HIVEP3: variants seen among roughly 807,000 people sequenced by gnomAD.
The protein encoded by HIVEP3 is transcription factor HIVEP3.
HIVEP3 carries 49 observed loss-of-function variants against 152.8 expected under a neutral mutation model. The observed-to-expected ratio is 0.32, with a 90% CI of 0.26 to 0.41. The LOEUF (loss-of-function observed/expected upper bound fraction) is 0.41, where lower values mean the gene tolerates loss of function less well. Ranked by LOEUF, HIVEP3 falls within the 10% of genes least tolerant of loss-of-function variation. HIVEP3 has a pLI of 1.00. For synonymous variants in HIVEP3, 1,269 were observed against 1,289.0 expected, an observed-to-expected ratio of 0.98 and a Z score of 0.33; for missense variants, 2,790 against 3,103.3, an observed-to-expected ratio of 0.90 and a Z score of 2.40.
intron 1 of HIVEP3, among the ~76,000 whole-genome samples, chr1:41,704,922 G>A (rs1474332200): frequency 6.6e-6 from 1 of 152,182 alleles, no homozygotes; most frequent in Non-Finnish European, 1.5e-5. Context: ...ACCTTATGGT[G>A]GGCACTGGCT....
chr1:41,890,215 T>G (rs1644425240), intron 1 of HIVEP3, among the ~76,000 whole-genome samples: 1 of 152,234 alleles, frequency 6.6e-6, no homozygotes, highest in South Asian at 2.1e-4. Context: ...CCTGGAATGC[T>G]CAGTCAGCAC....
rs570034538 is a variant in HIVEP3 at position 41,840,800 on chromosome 1, G to C, written c.-801+77613C>G. 3.6e-4 allele frequency among the ~76,000 whole-genome samples: 55 copies of C among 152,320 alleles called. No individual in the cohort carries two copies. In the South Asian group the frequency reaches 0.01, roughly 28 times the overall value. Reference sequence around the variant, plus strand: ...AAGCTTGGCACTGGAAGGAGGCCAGGCATGCTGGGCTGGTGAGGCTGCCTA... The same window carrying C: ...AAGCTTGGCACTGGAAGGAGGCCAGCCATGCTGGGCTGGTGAGGCTGCCTA... On this transcript the variant is annotated intron_variant, in intron 1 of 8. Coordinates refer to ENST00000372583, the MANE Select transcript of HIVEP3 (RefSeq NM_024503.5).
intron 5 of HIVEP3, among the ~76,000 whole-genome samples, chr1:41,568,553 C>T (rs1461588306): frequency 6.6e-6 from 1 of 152,152 alleles, no homozygotes; most frequent in Non-Finnish European, 1.5e-5. Context: ...TGAGAACGGA[C>T]CACAGTGGGG....
chr1:41,963,245 T>A (rs1570849490), intron 1 of HIVEP3, among the ~76,000 whole-genome samples: 1 of 152,180 alleles, frequency 6.6e-6, no homozygotes, highest in Non-Finnish European at 1.5e-5. Context: ...TCTCCTGACC[T>A]CGTGATCCGC....
chr1:41,963,821 A>C (rs1454642443), intron 1 of HIVEP3, among the ~76,000 whole-genome samples: 1 of 152,174 alleles, frequency 6.6e-6, no homozygotes, highest in East Asian at 1.9e-4. Context: ...CAGTGATCCA[A>C]ACTTTTTTTC....
At chr1:41,727,540 A>T (rs1282375380) in intron 1 of HIVEP3, among the ~76,000 whole-genome samples, 1 of 152,274 alleles carries the variant, frequency 6.6e-6, no homozygotes, top group Non-Finnish European at 1.5e-5. Context: ...GAAAAGCAGA[A>T]ACTAAAACAA....
At chr1:41,911,243 C>T (rs866562006) in intron 1 of HIVEP3, among the ~76,000 whole-genome samples, 9 of 152,204 alleles carry the variant, frequency 5.9e-5, no homozygotes, top group Middle Eastern at 6.8e-3. Flanking sequence ...AAAAGGTCAA[C>T]AGCGTATGAA....
rs1177824960 is a variant in HIVEP3, at chr1:41,944,558, G to GC, written n.120-26035dup. Among the ~76,000 whole-genome samples, 3 of 152,288 alleles carry GC rather than the reference G, an allele frequency of 2.0e-5. No homozygotes were observed. The East Asian group carries it at 5.8e-4, about 29-fold the overall frequency. On this transcript the variant is annotated intron_variant and non_coding_transcript_variant, in intron 1 of 3. Coordinates refer to the HIVEP3 transcript ENST00000489103. ...TTGCTATGAAATACTCAGGAACCCA[G>GC]CCCAGCTCTAGGACTCACCCCTGAG...
intron 1 of HIVEP3, among the ~76,000 whole-genome samples, chr1:41,863,317 G>A (rs1643912517): frequency 6.6e-6 from 1 of 152,204 alleles, no homozygotes; most frequent in Non-Finnish European, 1.5e-5. Context: ...GAATTAACAT[G>A]GCTCTGAAGA....
chr1:41,525,317 G>A (rs1642871084), intron 5 of HIVEP3, among the ~76,000 whole-genome samples: 1 of 152,228 alleles, frequency 6.6e-6, no homozygotes, highest in East Asian at 1.9e-4. Flanking sequence ...AGCAGCTCGG[G>A]CAGCCGCCAT....
At chr1:41,723,517 A>T (rs1646708113) in intron 1 of HIVEP3, among the ~76,000 whole-genome samples, 1 of 151,788 alleles carries the variant, frequency 6.6e-6, no homozygotes, top group African/African-American at 2.4e-5. Flanking sequence ...ACACACACAC[A>T]CACACACACA....
intron 1 of HIVEP3, among the ~76,000 whole-genome samples, chr1:41,858,378 T>G (rs1196386216): frequency 1.3e-5 from 2 of 152,244 alleles, no homozygotes; most frequent in Non-Finnish European, 2.9e-5. Context: ...TCATGCCCTG[T>G]CATTCACAAA....
At chr1:41,929,878 A>T (rs1644988215) in intron 1 of HIVEP3, among the ~76,000 whole-genome samples, 1 of 151,582 alleles carries the variant, frequency 6.6e-6, no homozygotes, top group African/African-American at 2.4e-5. Context: ...ATTATCAATA[A>T]TATATTTGCT....
At chr1:41,545,393 TACCACTACCACCAATACCACCATC>T (rs1643743440) in intron 5 of HIVEP3, among the ~76,000 whole-genome samples, 1 of 10,740 alleles carries the variant, frequency 9.3e-5, no homozygotes, top group Non-Finnish European at 2.0e-4. Flanking sequence ...CCACCACCAA[TACCACTACCACCAATACCACCATC>T]GCTACAATCA....
intron 1 of HIVEP3, among the ~76,000 whole-genome samples, chr1:41,723,021 A>T (rs1050345584): frequency 1.2e-4 from 18 of 152,194 alleles, no homozygotes; most frequent in African/African-American, 4.3e-4. Flanking sequence ...GCTCTAAAGG[A>T]ATTTAGCATT....
intron 1 of HIVEP3, among the ~76,000 whole-genome samples, chr1:41,717,381 TCAAA>T (rs1646611181): frequency 1.3e-5 from 2 of 152,160 alleles, no homozygotes. Flanking sequence ...CAGACAACAT[TCAAA>T]CAAAGAAATG....
chr1:41,644,882 T>G (rs1297956637), intron 2 of HIVEP3, among the ~76,000 whole-genome samples: 1 of 152,088 alleles, frequency 6.6e-6, no homozygotes, highest in Non-Finnish European at 1.5e-5. Flanking sequence ...GCCTAGGAGC[T>G]GGCCTCACCC....
chr1:41,841,189 A>C (rs775769212), intron 1 of HIVEP3, among the ~76,000 whole-genome samples: 33 of 152,182 alleles, frequency 2.2e-4, no homozygotes, highest in Middle Eastern at 3.4e-3. Context: ...ACACCTGCCC[A>C]CACACACCTG....
intron 3 of HIVEP3, among the ~76,000 whole-genome samples, chr1:41,619,243 C>T (rs1249343598): frequency 1.3e-5 from 2 of 152,200 alleles, no homozygotes; most frequent in Non-Finnish European, 2.9e-5. Context: ...ACTTGCTCCT[C>T]GCCTCCCTCA....
Sources: gnomAD v4.1 joint callset for allele counts (sites outside exome capture counted in the v4.1 genomes callset) on GRCh38, gnomAD v4.1.1 for gene constraint, MANE v1.5 for transcripts, NCBI Gene and HGNC (gene_info 2026-07-23, HGNC 2026-07-21) for gene names.